The following SMIM10L3 variants were observed in gnomAD, a reference collection of about 807,000 sequenced individuals.
The protein encoded by SMIM10L3 is salivary gland specific protein SAGSIN1.
chr7:6,345,484 C>CA, the SMIM10L3 span, among the ~76,000 whole-genome samples: 1 of 152,058 alleles, frequency 6.6e-6, no homozygotes, highest in African/African-American at 2.4e-5. Flanking sequence ...TACAATAGTC[C>CA]AGGCGAGTGG....
the SMIM10L3 span, among the ~76,000 whole-genome samples, chr7:6,333,919 T>C: frequency 7.0e-6 from 1 of 143,588 alleles, no homozygotes; most frequent in Non-Finnish European, 1.5e-5. Context: ...CCATCTCAGC[T>C]CACTAAAAGC....
At chr7:6,333,789 T>C in the SMIM10L3 span, among the ~76,000 whole-genome samples, 1 of 148,608 alleles carries the variant, frequency 6.7e-6, no homozygotes, top group African/African-American at 2.5e-5. Context: ...TTTTTTTTAA[T>C]AGAGACAGGG....
the SMIM10L3 span, among the ~76,000 whole-genome samples, chr7:6,336,682 CA>C: frequency 0.33 from 40,286 of 122,810 alleles, 5,395 homozygotes; most frequent in East Asian, 0.42. Flanking sequence ...AGACTTTGTC[CA>C]AAAAAAAAAA....
At chr7:6,337,812 T>C in the SMIM10L3 span, among the ~76,000 whole-genome samples, 1 of 151,534 alleles carries the variant, frequency 6.6e-6, no homozygotes, top group Non-Finnish European at 1.5e-5. Context: ...TTTATTTATT[T>C]ATTTATTTTG....
the SMIM10L3 span, chr7:6,330,082 T>G: frequency 2.8e-6 from 1 of 360,886 alleles, no homozygotes; most frequent in Non-Finnish European, 5.2e-6. Flanking sequence ...AAGACAGAAC[T>G]TCATGGTAAA....
chr7:6,335,645 A>C, the SMIM10L3 span, among the ~76,000 whole-genome samples: 16 of 152,186 alleles, frequency 1.1e-4, no homozygotes, highest in African/African-American at 3.9e-4. Context: ...TGAGCAAAAT[A>C]TACACTTTAT....
chr7:6,334,405 G>C, the SMIM10L3 span, among the ~76,000 whole-genome samples: 1 of 151,686 alleles, frequency 6.6e-6, no homozygotes, highest in Non-Finnish European at 1.5e-5. Flanking sequence ...GCATGGTGGA[G>C]CATGCCTGTA....
At chr7:6,332,482 G>A in the SMIM10L3 span, among the ~76,000 whole-genome samples, 7 of 152,190 alleles carry the variant, frequency 4.6e-5, no homozygotes, top group South Asian at 4.1e-4. Flanking sequence ...TAATTGACAC[G>A]TTAAATGTAA....
the SMIM10L3 span, among the ~76,000 whole-genome samples, chr7:6,333,609 C>T: frequency 6.6e-6 from 1 of 152,030 alleles, no homozygotes; most frequent in South Asian, 2.1e-4. Flanking sequence ...AGCAATCCTC[C>T]TAATTCAGCC....
the SMIM10L3 span, chr7:6,331,011 A>G: frequency 6.2e-7 from 1 of 1,614,166 alleles, no homozygotes; most frequent in Non-Finnish European, 8.5e-7. Context: ...CCACAGGCTT[A>G]TTCATCCAGG....
chr7:6,339,315 A>G, the SMIM10L3 span, among the ~76,000 whole-genome samples: 1 of 151,840 alleles, frequency 6.6e-6, no homozygotes, highest in Non-Finnish European at 1.5e-5. Context: ...CAAAAAATTA[A>G]AAAATTAGCT....
At chr7:6,335,944 G>A in the SMIM10L3 span, among the ~76,000 whole-genome samples, 2 of 151,972 alleles carry the variant, frequency 1.3e-5, no homozygotes, top group Non-Finnish European at 2.9e-5. Flanking sequence ...AGGCCAAGAC[G>A]GATGGATCAC....
chr7:6,348,321 C>T, the SMIM10L3 span, among the ~76,000 whole-genome samples: 4 of 152,184 alleles, frequency 2.6e-5, no homozygotes, highest in South Asian at 2.1e-4. Context: ...CATGCAGTCT[C>T]GGACCCCACC....
the SMIM10L3 span, among the ~76,000 whole-genome samples, chr7:6,342,419 C>A: frequency 0.019 from 2,864 of 152,036 alleles, 42 homozygotes; most frequent in East Asian, 0.053. Flanking sequence ...GTGGTAGGCA[C>A]CTGTAATCCC....
chr7:6,342,234 CTCTT>C, the SMIM10L3 span, among the ~76,000 whole-genome samples: 5 of 151,876 alleles, frequency 3.3e-5, no homozygotes, highest in African/African-American at 4.8e-5. Flanking sequence ...TTCTCTCTCT[CTCTT>C]TCTGTCTTAT....
chr7:6,343,194 T>C, the SMIM10L3 span, among the ~76,000 whole-genome samples: 2 of 151,086 alleles, frequency 1.3e-5, no homozygotes, highest in African/African-American at 4.9e-5. Context: ...CTGGCCAACA[T>C]GGTGAAGCCC....
At chr7:6,343,052 AAAAGAAAG>A in the SMIM10L3 span, among the ~76,000 whole-genome samples, 5 of 150,052 alleles carry the variant, frequency 3.3e-5, no homozygotes, top group Non-Finnish European at 7.4e-5. Context: ...AAAAAAAGAA[AAAAGAAAG>A]AAAGAAAGAG....
chr7:6,348,539 A>AGGGCCGG, the SMIM10L3 span: 2 of 418,310 alleles, frequency 4.8e-6, no homozygotes, highest in Non-Finnish European at 8.5e-6. Flanking sequence ...GCGCTCGGGG[A>AGGGCCGG]GGGCCGGGGG....
chr7:6,333,674 T>TTTTTC, the SMIM10L3 span, among the ~76,000 whole-genome samples: 1 of 151,454 alleles, frequency 6.6e-6, no homozygotes, highest in Non-Finnish European at 1.5e-5. Context: ...AATTTTTTTT[T>TTTTTC]TTTCAGAGCA....
Sources: allele counts gnomAD v4.1 joint callset (sites outside exome capture counted in the v4.1 genomes callset), GRCh38; gene constraint gnomAD v4.1.1; transcripts MANE v1.5; gene names NCBI Gene and HGNC (gene_info 2026-07-23, HGNC 2026-07-21).